The following TRIP4 variants were observed in gnomAD, a reference collection of about 807,000 sequenced individuals.
TRIP4 encodes thyroid hormone receptor interactor 4, also known as activating signal cointegrator 1.
TRIP4 carries 54 observed loss-of-function variants against 81.8 expected under a neutral mutation model. The ratio of observed to expected loss-of-function variants is 0.66; its 90% CI spans 0.53 to 0.83. The LOEUF is 0.83. Ranked by LOEUF, TRIP4 falls within the 40% of genes least tolerant of loss-of-function variation. The probability of loss-of-function intolerance (pLI) is 0.00; values close to 1 mark genes in which losing one functional copy is unlikely to be tolerated. For missense variants in TRIP4, 662 were observed against 683.6 expected, an observed-to-expected ratio of 0.97 and a Z score of 0.35; for synonymous variants, 270 against 242.8, an observed-to-expected ratio of 1.11 and a Z score of -1.04.
At chr15:64,444,419 T>C (rs1892578579) in intron 11 of TRIP4, among the ~76,000 whole-genome samples, 1 of 152,102 alleles carries the variant, frequency 6.6e-6, no homozygotes, top group Admixed American at 6.6e-5. Context: ...CCAAAGGAGG[T>C]TTCTAAATAA....
At chr15:64,418,771 G>T in intron 9 of TRIP4, 43 bp downstream of exon 9, 1 of 1,495,876 alleles carries the variant, frequency 6.7e-7, no homozygotes, top group Non-Finnish European at 8.9e-7. Flanking sequence ...ATCTTAGAGT[G>T]ACATAAATTT....
chr15:64,444,205 G>A (rs1195735913), intron 11 of TRIP4, among the ~76,000 whole-genome samples: 1 of 152,290 alleles, frequency 6.6e-6, no homozygotes, highest in East Asian at 1.9e-4. Flanking sequence ...AGAAGCCTAT[G>A]AGTCATATTT....
At chr15:64,453,190 T>C (rs980071813) in intron 12 of TRIP4, among the ~76,000 whole-genome samples, 1 of 152,018 alleles carries the variant, frequency 6.6e-6, no homozygotes, top group Admixed American at 6.6e-5. Flanking sequence ...ATAAATAAAG[T>C]CTTTCAACTT....
intron 11 of TRIP4, among the ~76,000 whole-genome samples, chr15:64,431,847 A>ATATTTTTTTTTTTTTTTT: frequency 5.0e-5 from 6 of 119,554 alleles, no homozygotes; most frequent in African/African-American, 2.0e-4. Context: ...ATATATATAT[A>ATATTTTTTTTTTTTTTTT]TTTTTTTTAT....
intron 6 of TRIP4, among the ~76,000 whole-genome samples, chr15:64,408,319 C>A (rs867521479): frequency 1.6e-4 from 22 of 140,092 alleles, no homozygotes; most frequent in Middle Eastern, 7.8e-3. Context: ...AGTGCAGTGG[C>A]GCCATCTCGG....
chr15:64,401,048 G>A (rs922660651), intron 5 of TRIP4, among the ~76,000 whole-genome samples: 15 of 151,828 alleles, frequency 9.9e-5, no homozygotes, highest in South Asian at 4.2e-4. Flanking sequence ...TGCAACCTCC[G>A]CCTCCTGGGT....
At chr15:64,441,213 G>A (rs568873297) in intron 11 of TRIP4, among the ~76,000 whole-genome samples, 1 of 151,904 alleles carries the variant, frequency 6.6e-6, no homozygotes, top group East Asian at 2.0e-4. Flanking sequence ...AGCCAGGATG[G>A]TCTCAATCTC....
chr15:64,432,659 C>T (rs1363454107), intron 11 of TRIP4, among the ~76,000 whole-genome samples: 2 of 151,430 alleles, frequency 1.3e-5, no homozygotes, highest in Non-Finnish European at 2.9e-5. Context: ...CACCTTTAAT[C>T]CCAGCAGCTT....
At chr15:64,448,876 GAT>G (rs1892689680) in intron 12 of TRIP4, among the ~76,000 whole-genome samples, 1 of 152,046 alleles carries the variant, frequency 6.6e-6, no homozygotes, top group African/African-American at 2.4e-5. Flanking sequence ...CTTTCCCCTA[GAT>G]ATATTATTAC....
At chr15:64,432,947 A>AAAT (rs1892310673) in intron 11 of TRIP4, among the ~76,000 whole-genome samples, 1 of 151,858 alleles carries the variant, frequency 6.6e-6, no homozygotes, top group Non-Finnish European at 1.5e-5. Flanking sequence ...ATAAATAAAT[A>AAAT]AACACTTGAG....
At chr15:64,421,498 G>T (rs1892012747) in intron 9 of TRIP4, among the ~76,000 whole-genome samples, 1 of 151,138 alleles carries the variant, frequency 6.6e-6, no homozygotes, top group South Asian at 2.1e-4. Context: ...ACCATGCCCG[G>T]CTAATTTTTG....
intron 6 of TRIP4, among the ~76,000 whole-genome samples, chr15:64,409,222 C>T (rs1198423680): frequency 4.0e-5 from 6 of 151,718 alleles, no homozygotes; most frequent in African/African-American, 1.5e-4. Context: ...AGTTAAGCTA[C>T]AGAACTGAGA....
intron 9 of TRIP4, among the ~76,000 whole-genome samples, chr15:64,420,872 A>G (rs1596349332): frequency 6.6e-6 from 1 of 152,100 alleles, no homozygotes; most frequent in East Asian, 1.9e-4. Context: ...ATGCCTGGCA[A>G]TGTCCCAACT....
At chr15:64,451,904 C>T (rs908782878) in intron 12 of TRIP4, among the ~76,000 whole-genome samples, 18 of 149,388 alleles carry the variant, frequency 1.2e-4, no homozygotes, top group African/African-American at 3.0e-4. Flanking sequence ...CTGCCTGTCT[C>T]GGCCTCCCAA....
chr15:64,398,424 CAAAAAAAAAAA>C (rs745672952), intron 4 of TRIP4, among the ~76,000 whole-genome samples: 2 of 16,306 alleles, frequency 1.2e-4, no homozygotes, highest in Non-Finnish European at 3.3e-4. Context: ...CCTGTCTCTA[CAAAAAAAAAAA>C]AAAAAAAAAA....
At chr15:64,417,117 C>T (rs1309612068) in intron 8 of TRIP4, among the ~76,000 whole-genome samples, 1 of 152,158 alleles carries the variant, frequency 6.6e-6, no homozygotes. Context: ...GAGAGATCCT[C>T]CCATCTCAGC....
intron 5 of TRIP4, among the ~76,000 whole-genome samples, chr15:64,401,809 A>T (rs149575356): frequency 6.6e-6 from 1 of 152,338 alleles, no homozygotes; most frequent in East Asian, 1.9e-4. Context: ...CAATTAGAAC[A>T]CTACAGTAGT....
At chr15:64,404,707 G>A (rs929939068) in intron 5 of TRIP4, among the ~76,000 whole-genome samples, 3 of 151,716 alleles carry the variant, frequency 2.0e-5, no homozygotes, top group Admixed American at 6.6e-5. Context: ...CTGATTGTAC[G>A]TACTGTCCTT....
chr15:64,438,595 A>G (rs1438973273), intron 11 of TRIP4, among the ~76,000 whole-genome samples: 2 of 152,204 alleles, frequency 1.3e-5, no homozygotes, highest in Admixed American at 1.3e-4. Flanking sequence ...GTCTTTAATT[A>G]AAAGCAACTT....
Sources: gnomAD v4.1 joint callset for allele counts (sites outside exome capture counted in the v4.1 genomes callset) on GRCh38, gnomAD v4.1.1 for gene constraint, MANE v1.5 for transcripts, NCBI Gene and HGNC (gene_info 2026-07-23, HGNC 2026-07-21) for gene names.